The following VPS13A variants were observed in gnomAD, a reference collection of about 807,000 sequenced individuals.
The protein encoded by VPS13A is intermembrane lipid transfer protein VPS13A.
Under a neutral mutation model 390.9 loss-of-function variants are expected in VPS13A, and 264 were observed. The observed-to-expected ratio is 0.68, with a 90% CI of 0.61 to 0.75. The LOEUF is 0.75. Among genes scored for constraint, VPS13A ranks in the 30% least tolerant of loss-of-function variants. VPS13A has a pLI of 0.00. For missense variants in VPS13A, 3,409 were observed against 3,733.9 expected, an observed-to-expected ratio of 0.91 and a Z score of 2.27; for synonymous variants, 1,231 against 1,227.1, an observed-to-expected ratio of 1.00 and a Z score of -0.07.
intron 30 of VPS13A, 34 bp from the exon 31 acceptor site, chr9:77,283,513 G>T (rs753678022): frequency 6.2e-7 from 1 of 1,605,914 alleles, no homozygotes; most frequent in Non-Finnish European, 8.5e-7. Context: ...GACATTAAAT[G>T]AAAGAAAAGG....
chr9:77,302,347 C>G (rs1211361043), intron 33 of VPS13A, among the ~76,000 whole-genome samples: 2 of 146,818 alleles, frequency 1.4e-5, no homozygotes, highest in African/African-American at 5.0e-5. Flanking sequence ...AAAATTGTAT[C>G]GAAAAATACA....
At chr9:77,401,194 C>G (rs1395740927) in intron 68 of VPS13A, among the ~76,000 whole-genome samples, 1 of 151,860 alleles carries the variant, frequency 6.6e-6, no homozygotes, top group Non-Finnish European at 1.5e-5. Context: ...CAGAGTAGTT[C>G]TTCTCATTCT....
intron 1 of VPS13A, among the ~76,000 whole-genome samples, chr9:77,189,151 G>A (rs201028674): frequency 2.1e-5 from 1 of 48,656 alleles, no homozygotes; most frequent in African/African-American, 9.5e-5. Context: ...TTTTTTTTTT[G>A]TAGTTCTGGA....
intron 33 of VPS13A, 72 bp from the exon 34 acceptor site, chr9:77,302,843 T>A: frequency 6.8e-7 from 1 of 1,469,806 alleles, no homozygotes; most frequent in East Asian, 2.3e-5. Context: ...AAAGGATAAA[T>A]TTAAGTTAAT....
rs1442342153 is a variant in VPS13A at position 77,353,429 on chromosome 9, T to C, written c.7440T>C (p.Asp2480=). The change falls in exon 54 of 72, where the codon GAT becomes GAC. Residue 2480 remains aspartate (D), a synonymous_variant. Transcript: ENST00000360280. ...TCTAGGATATGATGATGCCTATAGA[T>C]TTGGGGGAAAAGACAATATATTTAG... The part of the protein sequence containing the change: ...TQKDDMMMPI[D]LGEKTIYLVS... 1.2e-6 allele frequency: 2 copies of C among 1,610,378 alleles called. No homozygotes were observed.
chr9:77,296,503 G>T lies in VPS13A; in HGVS notation c.3812+657G>T, dbSNP rs907370173. ...TTTCTTTGATATAATTCTCTTGCTT[G>T]TCTCTTCACCTTATTTTTGTCTCAT... On this transcript the variant is annotated intron_variant, in intron 33 of 71. Transcript: ENST00000360280. 3.5e-4 allele frequency among the ~76,000 whole-genome samples: 53 copies of T among 151,622 alleles called. 1 individual carries two copies. Among genetic ancestry groups the T allele is most frequent in the Admixed American group, 3.4e-3 (51 of 15,184 alleles).
rs187803218 is a variant in VPS13A at position 77,362,168 on chromosome 9, G to A, written c.8211+1527G>A. Among the ~76,000 whole-genome samples, 238 of 152,120 alleles carry A rather than the reference G, an allele frequency of 1.6e-3. 1 individual carries two copies. Among genetic ancestry groups the A allele is most frequent in the African/African-American group, 5.6e-3 (231 of 41,526 alleles). On this transcript the variant is annotated intron_variant, in intron 59 of 71. Transcript: ENST00000360280. ...AAAATCAAAAGTTAAAGTTAATGAA[G>A]TTCAAATTATTTTTTATTTTGTTGC...
intron 5 of VPS13A, among the ~76,000 whole-genome samples, chr9:77,207,655 AACCC>A (rs1054652577): frequency 6.6e-6 from 1 of 152,088 alleles, no homozygotes; most frequent in Non-Finnish European, 1.5e-5. Flanking sequence ...CTCTAAAATA[AACCC>A]TTGTGTTCTC....
At chr9:77,397,654 T>A (rs1834173882) in intron 68 of VPS13A, among the ~76,000 whole-genome samples, 3 of 152,232 alleles carry the variant, frequency 2.0e-5, no homozygotes, top group Non-Finnish European at 2.9e-5. Flanking sequence ...CAAGTTCCAC[T>A]TTCTTTGTGT....
rs531126004 is a variant in VPS13A at position 77,288,674 on chromosome 9, C to T, written c.3340-4667C>T. On this transcript the variant is annotated intron_variant, in intron 31 of 71. Coordinates refer to ENST00000360280, the MANE Select transcript of VPS13A (RefSeq NM_033305.3). Reference sequence around the variant, plus strand: ...ATTTGTTGATGTTTGTTTTATGGCCCAGAACATATATGATTAATCTTGGTG... The same window carrying T: ...ATTTGTTGATGTTTGTTTTATGGCCTAGAACATATATGATTAATCTTGGTG... Among the ~76,000 whole-genome samples, 9 of 152,198 alleles carry T rather than the reference C, an allele frequency of 5.9e-5. No homozygotes were observed. In the South Asian group the frequency reaches 6.2e-4, roughly 11 times the overall value.
At position 77,420,853 on chromosome 9, in the gene VPS13A, T is replaced by G. The variant is rs1295476239; in HGVS notation, c.*4847T>G. ...TGCCGTCATACCTCCGGTGTTCAGTTTGTTACTCAAAAGTTCCCAGTTCTT... is the reference window on the plus strand; with the variant it reads ...TGCCGTCATACCTCCGGTGTTCAGTGTGTTACTCAAAAGTTCCCAGTTCTT... On this transcript the variant is annotated 3_prime_UTR_variant, in exon 72 of 72. Coordinates refer to ENST00000360280, the MANE Select transcript of VPS13A (RefSeq NM_033305.3). 5 of 152,190 alleles carry G rather than the reference T, an allele frequency of 3.3e-5. No individual in the cohort carries two copies. The highest frequency in any genetic ancestry group is 1.2e-4 in the African/African-American group (5 of 41,466). 9.4% of individuals were successfully genotyped at this position (152,190 alleles called of 1,614,324 possible).
At position 77,277,981 on chromosome 9, in the gene VPS13A, T is replaced by C. The variant is rs547887525; in HGVS notation, c.2824+1760T>C. 7.2e-5 allele frequency among the ~76,000 whole-genome samples: 11 copies of C among 152,332 alleles called. No homozygotes were observed. The South Asian group carries it at 2.3e-3, about 32-fold the overall frequency. On this transcript the variant is annotated intron_variant, in intron 26 of 71. Coordinates refer to ENST00000360280, the MANE Select transcript of VPS13A (RefSeq NM_033305.3). The stretch of plus-strand genomic sequence containing the variant: ...TCAAGAAACAGTTTGCTCTAGTAAT[T>C]GGAAAGAAAAGTAAACCAACGTGAC...
intron 68 of VPS13A, among the ~76,000 whole-genome samples, chr9:77,398,526 G>T (rs550216104): frequency 4.6e-5 from 7 of 152,190 alleles, no homozygotes; most frequent in South Asian, 2.1e-4. Flanking sequence ...AAATTCTGGG[G>T]TTTTTTCCCC....
At chr9:77,231,083 C>T (rs1257093408) in intron 17 of VPS13A, among the ~76,000 whole-genome samples, 1 of 151,956 alleles carries the variant, frequency 6.6e-6, no homozygotes, top group Non-Finnish European at 1.5e-5. Context: ...TGCACTTGTA[C>T]CCTGCAACCT....
At position 77,252,337 on chromosome 9, in the gene VPS13A, A is replaced by G. The variant is rs767955076; in HGVS notation, c.2273A>G (p.Asp758Gly). 6.2e-7 allele frequency: 1 copy of G among 1,612,732 alleles called. No homozygotes were observed. The highest frequency in any genetic ancestry group is 8.5e-7 in the Non-Finnish European group (1 of 1,178,784). ...LELSKAMVFM[D>G]VRMPKFKIYG... is the part of the protein sequence containing the mutation. ...CTGTCTAAGGCCATGGTTTTCATGG[A>G]TGTAAGGATGCCCAAGTATGTACTG... is the stretch of plus-strand genomic sequence containing the variant. Residue 758 changes from aspartate to glycine, a missense_variant, in exon 22 of 72, where the codon GAT becomes GGT. Asp to Gly is a moderately conservative substitution (Grantham distance 94). This residue lies in a region of VPS13A where 2,717 missense variants were observed against 2,917.4 expected (regional missense o/e 0.93). Coordinates refer to ENST00000360280, the MANE Select transcript of VPS13A (RefSeq NM_033305.3).
chr9:77,393,255 C>G (rs1475679181), intron 68 of VPS13A, among the ~76,000 whole-genome samples: 2 of 152,168 alleles, frequency 1.3e-5, no homozygotes, highest in African/African-American at 4.8e-5. Context: ...ATTCAGTTAC[C>G]TCTTCATGCT....
Position 77,407,559 on chromosome 9 carries a change from CAGAG to C in VPS13A, c.9429_9432del (p.Arg3143SerfsTer5), listed in dbSNP as rs1085307750. On this transcript the variant is annotated frameshift_variant, in exon 71 of 72. Transcript: ENST00000360280. LOFTEE classifies it high-confidence loss of function. ...AACGAGTGAAGTCTGTATTTCATGC[CAGAG>C]AGTTTGGAAAAATAATTAACTTCAA... 4.3e-6 allele frequency: 7 copies of C among 1,612,910 alleles called. No homozygotes were observed. The highest frequency in any genetic ancestry group is 5.9e-6 in the Non-Finnish European group (7 of 1,179,210).
At position 77,247,330 on chromosome 9, in the gene VPS13A, G is replaced by T. The variant is rs1261651866; in HGVS notation, c.1972G>T (p.Val658Phe). ...TAATTTGAAGGCTTCATATATTATT[G>T]TCCCACAAGATGGAATTTTTAGTCC... ...KINLKASYII[V>F]PQDGIFSPTS... is the part of the protein sequence containing the mutation. The change falls in exon 20 of 72, where the codon GTC becomes TTC. Residue 658 changes from valine (V) to phenylalanine (F), a missense_variant. Around this residue, in one of 5 missense-constraint regions of VPS13A, gnomAD observed 2,717 missense variants for 2,917.4 expected, o/e 0.93. Coordinates refer to ENST00000360280, the MANE Select transcript of VPS13A (RefSeq NM_033305.3). The T allele has an allele frequency of 1.2e-6, 2 of 1,612,314 alleles. No homozygotes were observed. Among genetic ancestry groups the T allele is most frequent in the Non-Finnish European group, 1.7e-6 (2 of 1,179,116 alleles).
At chr9:77,208,236 A>G (rs1437506855) in intron 5 of VPS13A, among the ~76,000 whole-genome samples, 2 of 152,118 alleles carry the variant, frequency 1.3e-5, no homozygotes, top group East Asian at 1.9e-4. Context: ...TAATTCTATA[A>G]TCTATTTATA....
Sources: allele counts gnomAD v4.1 joint callset (sites outside exome capture counted in the v4.1 genomes callset), GRCh38; gene constraint gnomAD v4.1.1; regional missense constraint gnomAD v4.1.1; transcripts MANE v1.5; gene names NCBI Gene and HGNC (gene_info 2026-07-23, HGNC 2026-07-21).